Variants in ABCA13 observed in about 807,000 individuals in gnomAD.
ABCA13 encodes ATP binding cassette subfamily A member 13, also known as ATP-binding cassette sub-family A member 13.
ABCA13 carries 476 observed loss-of-function variants against 478.7 expected under a neutral mutation model. That is an observed-to-expected ratio of 0.99 (90% confidence interval 0.92 to 1.07). The LOEUF (loss-of-function observed/expected upper bound fraction) is 1.07, where lower values mean the gene tolerates loss of function less well. Among genes scored for constraint, ABCA13 ranks in the 50% least tolerant of loss-of-function variants. The pLI is 0.00. For missense variants in ABCA13, 6,060 were observed against 5,910.6 expected, an observed-to-expected ratio of 1.03 and a Z score of -0.83; for synonymous variants, 2,252 against 2,158.9, an observed-to-expected ratio of 1.04 and a Z score of -1.20.
chr7:48,299,627 C>A (rs535466186), intron 23 of ABCA13, among the ~76,000 whole-genome samples: 1 of 152,066 alleles, frequency 6.6e-6, no homozygotes, highest in Non-Finnish European at 1.5e-5. Context: ...AAGGAGTAAT[C>A]GGAGCAGCTA....
chr7:48,508,465 T>A lies in ABCA13; in HGVS notation c.13524+416T>A, dbSNP rs1014108627. ...TGCCTAATAGGTATGGCGGGTATTATTAGCATTTTTGGAATGCACTCAGTT... is the reference window on the plus strand; with the variant it reads ...TGCCTAATAGGTATGGCGGGTATTAATAGCATTTTTGGAATGCACTCAGTT... On this transcript the variant is annotated intron_variant, in intron 50 of 61. Transcript: ENST00000435803. Among the ~76,000 whole-genome samples, 8 of 152,130 alleles carry A rather than the reference T, an allele frequency of 5.3e-5. No individual in the cohort carries two copies. The South Asian group carries it at 1.7e-3, about 31-fold the overall frequency.
chr7:48,336,979 G>A (rs759197958), intron 28 of ABCA13, among the ~76,000 whole-genome samples: 17 of 152,038 alleles, frequency 1.1e-4, no homozygotes, highest in Non-Finnish European at 2.4e-4. Context: ...TGCCTAACTC[G>A]GCCTCAAAAA....
Position 48,227,437 on chromosome 7 carries a change from A to G in ABCA13, c.632+12A>G. 1 of 1,613,270 alleles carries G rather than the reference A, an allele frequency of 6.2e-7. No individual in the cohort carries two copies. Among genetic ancestry groups the G allele is most frequent in the Non-Finnish European group, 8.5e-7 (1 of 1,179,656 alleles). On this transcript the variant is annotated intron_variant, in intron 6 of 61. Transcript: ENST00000435803. Reference sequence around the variant, plus strand: ...CAGACCATTTTGAAGTGAGTGAAAAAGAAAAACATAACTAAGTATCAATAT... The same window carrying G: ...CAGACCATTTTGAAGTGAGTGAAAAGGAAAAACATAACTAAGTATCAATAT...
intron 59 of ABCA13, 51 bp downstream of exon 59, chr7:48,615,428 A>T: frequency 6.7e-7 from 1 of 1,486,686 alleles, no homozygotes; most frequent in Non-Finnish European, 9.2e-7. Context: ...AATCAATAGC[A>T]TGATGCAGGG....
chr7:48,516,887 T>C lies in ABCA13; in HGVS notation c.13797+6T>C. Reference sequence around the variant, plus strand: ...CCATCATCTCCAAAGCTAAGGTCAGTAGCTTTGTAGCATCACCTCTACACT... The same window carrying C: ...CCATCATCTCCAAAGCTAAGGTCAGCAGCTTTGTAGCATCACCTCTACACT... On this transcript the variant is annotated splice_donor_region_variant and intron_variant, in intron 52 of 61. Coordinates refer to ENST00000435803, the MANE Select transcript of ABCA13 (RefSeq NM_152701.5). The C allele has an allele frequency of 6.2e-7, 1 of 1,613,028 alleles. No individual in the cohort carries two copies. The highest frequency in any genetic ancestry group is 8.5e-7 in the Non-Finnish European group (1 of 1,179,258).
chr7:48,639,394 G>T (rs1041195454), intron 59 of ABCA13, among the ~76,000 whole-genome samples: 1 of 152,174 alleles, frequency 6.6e-6, no homozygotes, highest in Non-Finnish European at 1.5e-5. Context: ...TGAGGAGTGG[G>T]GTGTGGTGTG....
intron 45 of ABCA13, 40 bp downstream of exon 45, chr7:48,471,639 A>C: frequency 6.6e-7 from 1 of 1,511,746 alleles, no homozygotes. Flanking sequence ...TAAGTCTAAA[A>C]TTCAAGTGAC....
chr7:48,246,848 AG>A (rs978330554), intron 13 of ABCA13, among the ~76,000 whole-genome samples: 1 of 152,202 alleles, frequency 6.6e-6, no homozygotes, highest in African/African-American at 2.4e-5. Flanking sequence ...CTCAGCATCT[AG>A]GAGTCTTCCC....
At position 48,275,308 on chromosome 7, in the gene ABCA13, A is replaced by G. The variant is rs958197115; in HGVS notation, c.5642A>G (p.Glu1881Gly). The G allele has an allele frequency of 1.2e-6, 2 of 1,613,800 alleles. No homozygotes were observed. Among genetic ancestry groups the G allele is most frequent in the African/African-American group, 2.7e-5 (2 of 74,904 alleles). ...SPCSNESSRM[E>G]ITRKVVCIIH... is the part of the protein sequence containing the mutation. ...TGTTCAAATGAAAGCTCCCGAATGG[A>G]AATAACTAGGAAAGTGGTCTGCATA... The change falls in exon 17 of 62, where the codon GAA becomes GGA. Residue 1881 changes from glutamate (E) to glycine (G), a missense_variant. By Grantham distance (98) the Glu-to-Gly change is moderately conservative. This residue lies in a region of ABCA13 where 4,423 missense variants were observed against 4,309.1 expected (regional missense o/e 1.03). Transcript: ENST00000435803.
intron 27 of ABCA13, among the ~76,000 whole-genome samples, chr7:48,332,748 G>A (rs62449219): frequency 7.9e-5 from 12 of 152,050 alleles, no homozygotes; most frequent in Admixed American, 3.3e-4. Context: ...TTCTTACGTC[G>A]TGATAAATGT....
chr7:48,582,915 A>G (rs1313235431), intron 56 of ABCA13, among the ~76,000 whole-genome samples: 1 of 152,182 alleles, frequency 6.6e-6, no homozygotes, highest in Non-Finnish European at 1.5e-5. Context: ...AAAGCATGTT[A>G]TATTAAGTTA....
rs367570188 is a variant in ABCA13 at position 48,293,192 on chromosome 7, G to GCCCCCCCCCCCCC, written c.8956-2498_8956-2497insCCCCCCCCCCCCC. On this transcript the variant is annotated intron_variant, in intron 20 of 61. Coordinates refer to ENST00000435803, the MANE Select transcript of ABCA13 (RefSeq NM_152701.5). The stretch of plus-strand genomic sequence containing the variant: ...TTCATCATTTCCTGAGAAGTCTTCA[G>GCCCCCCCCCCCCC]CCCCCCCCCCGCCACACACACACTA... Among the ~76,000 whole-genome samples the GCCCCCCCCCCCCC allele has an allele frequency of 9.5e-4, 103 of 108,270 alleles. 15 individuals carry two copies. Among genetic ancestry groups the GCCCCCCCCCCCCC allele is most frequent in the South Asian group, 2.1e-3 (5 of 2,340 alleles). 71.0% of individuals were successfully genotyped at this position (108,270 alleles called of 152,430 possible). A position where few individuals can be genotyped will look rare whatever the true frequency, so the allele number is the denominator to read the frequency against.
chr7:48,313,386 A>C (rs971686387), intron 25 of ABCA13, among the ~76,000 whole-genome samples, 155 bp downstream of exon 25: 2 of 152,254 alleles, frequency 1.3e-5, no homozygotes, highest in African/African-American at 4.8e-5. Context: ...AAGCAACAGC[A>C]TAACATAGAA....
intron 27 of ABCA13, among the ~76,000 whole-genome samples, chr7:48,331,115 A>G (rs2128933383): frequency 6.6e-6 from 1 of 152,372 alleles, no homozygotes; most frequent in Middle Eastern, 3.4e-3. Context: ...AATGAATACA[A>G]CAGAACAAAT....
At position 48,278,654 on chromosome 7, in the gene ABCA13, A is replaced by C; in HGVS notation, c.7460A>C (p.Glu2487Ala). The C allele has an allele frequency of 6.2e-7, 1 of 1,613,608 alleles. No individual in the cohort carries two copies. Among genetic ancestry groups the C allele is most frequent in the Non-Finnish European group, 8.5e-7 (1 of 1,179,522 alleles). ...RLVGAISRAS[E>A]ESHVLKPLLE... is the part of the protein sequence containing the mutation. ...GTTGGTGCTATTTCAAGAGCAAGTG[A>C]AGAAAGTCACGTCCTGAAACCCCTC... Residue 2487 changes from glutamate (E) to alanine (A), a missense_variant, in exon 18 of 62, where the codon GAA becomes GCA. By Grantham distance (107) the Glu-to-Ala change is moderately radical. This residue lies in a region of ABCA13 where 4,423 missense variants were observed against 4,309.1 expected (regional missense o/e 1.03). Coordinates refer to ENST00000435803, the MANE Select transcript of ABCA13 (RefSeq NM_152701.5).
chr7:48,310,286 C>G (rs1323059466), intron 24 of ABCA13, 145 bp downstream of exon 24: 1 of 890,640 alleles, frequency 1.1e-6, no homozygotes, highest in Non-Finnish European at 1.7e-6. Context: ...TCTGGTGTCA[C>G]CTGTTTGCTG....
At position 48,394,835 on chromosome 7, in the gene ABCA13, C is replaced by T. The variant is rs185183912; in HGVS notation, c.11873+2696C>T. Among the ~76,000 whole-genome samples, 12 of 152,280 alleles carry T rather than the reference C, an allele frequency of 7.9e-5. No individual in the cohort carries two copies. The East Asian group carries it at 2.1e-3, about 27-fold the overall frequency. On this transcript the variant is annotated intron_variant, in intron 38 of 61. Transcript: ENST00000435803. ...ACCATATTTGTTTTATTTTATCCCT[C>T]AACCCCCTTGAGTTCAGAAAGAAAC...
intron 47 of ABCA13, among the ~76,000 whole-genome samples, chr7:48,488,590 C>G (rs1829559232): frequency 6.6e-6 from 1 of 152,136 alleles, no homozygotes; most frequent in South Asian, 2.1e-4. Flanking sequence ...TTGGAGTCAT[C>G]ATACTTCTTG....
At chr7:48,571,375 A>G (rs985329577) in intron 55 of ABCA13, among the ~76,000 whole-genome samples, 35 of 152,214 alleles carry the variant, frequency 2.3e-4, no homozygotes, top group African/African-American at 8.2e-4. Context: ...TCCACTGTCA[A>G]CAAACTCTCT....
Sources: allele counts gnomAD v4.1 joint callset (sites outside exome capture counted in the v4.1 genomes callset), GRCh38; gene constraint gnomAD v4.1.1; regional missense constraint gnomAD v4.1.1; transcripts MANE v1.5; gene names NCBI Gene and HGNC (gene_info 2026-07-23, HGNC 2026-07-21).